Variants in MIER1 observed in about 807,000 individuals in gnomAD.
MIER1 encodes mesoderm induction early response protein 1.
A neutral mutation model predicts 75.7 loss-of-function variants in MIER1; 40 were observed. The observed-to-expected ratio is 0.53, with a 90% CI of 0.41 to 0.69. The LOEUF is 0.69. Ranked by LOEUF, MIER1 falls within the 30% of genes least tolerant of loss-of-function variation. The pLI, the probability that MIER1 is intolerant of heterozygous loss-of-function variation, is 0.00. For synonymous variants in MIER1, 213 were observed against 223.4 expected, an observed-to-expected ratio of 0.95 and a Z score of 0.42; for missense variants, 574 against 680.2, an observed-to-expected ratio of 0.84 and a Z score of 1.74.
intron 2 of MIER1, among the ~76,000 whole-genome samples, chr1:66,931,611 TA>T (rs1653390498): frequency 6.6e-6 from 1 of 152,198 alleles, no homozygotes; most frequent in Non-Finnish European, 1.5e-5. Flanking sequence ...AATTTACAAC[TA>T]AATTTAGATC....
chr1:66,957,587 G>GTTTTTTTTTTTTTT (rs770503779), intron 4 of MIER1, among the ~76,000 whole-genome samples: 1 of 99,268 alleles, frequency 1.0e-5, no homozygotes, highest in Non-Finnish European at 2.1e-5. Flanking sequence ...GTTTGTTTGT[G>GTTTTTTTTTTTTTT]TTTTTTTTTT....
At chr1:66,930,812 C>G (rs547262431) in intron 2 of MIER1, among the ~76,000 whole-genome samples, 8 of 152,246 alleles carry the variant, frequency 5.3e-5, no homozygotes, top group African/African-American at 1.9e-4. Flanking sequence ...CACCCCCATC[C>G]ATTTGCGACT....
chr1:66,927,007 A>G (rs1651978080), intron 2 of MIER1, among the ~76,000 whole-genome samples: 1 of 152,136 alleles, frequency 6.6e-6, no homozygotes, highest in Non-Finnish European at 1.5e-5. Flanking sequence ...AAATTGCCAA[A>G]GAAGTTTGTT....
intron 2 of MIER1, among the ~76,000 whole-genome samples, chr1:66,930,650 G>T (rs1237145312): frequency 6.6e-6 from 1 of 151,882 alleles, no homozygotes; most frequent in Non-Finnish European, 1.5e-5. Flanking sequence ...CAGCGTAGTA[G>T]TGCGGTGCGA....
intron 3 of MIER1, among the ~76,000 whole-genome samples, chr1:66,941,488 T>C (rs1051601174): frequency 1.3e-5 from 2 of 152,206 alleles, no homozygotes; most frequent in Admixed American, 6.5e-5. Context: ...TTGTTTCTTA[T>C]AGTATTGTGA....
chr1:66,946,340 T>C (rs1217438066), intron 4 of MIER1, 45 bp downstream of exon 4: 1 of 1,502,632 alleles, frequency 6.7e-7, no homozygotes, highest in Admixed American at 2.4e-5. Flanking sequence ...TATGACTTTT[T>C]TGTGGAAAGG....
At chr1:66,947,030 A>G in intron 4 of MIER1, 2 of 982,180 alleles carry the variant, frequency 2.0e-6, no homozygotes, top group African/African-American at 1.7e-5. Context: ...GTGCTCCTCA[A>G]AATGTAGTAT....
At chr1:66,945,689 C>G (rs1657458226) in intron 3 of MIER1, among the ~76,000 whole-genome samples, 1 of 152,108 alleles carries the variant, frequency 6.6e-6, no homozygotes, top group Non-Finnish European at 1.5e-5. Context: ...TAGCAAGACC[C>G]TGCCTTTACC....
Position 66,969,326 on chromosome 1 carries a change from A to G in MIER1, c.773-1482A>G, listed in dbSNP as rs1663083483. 2.6e-5 allele frequency among the ~76,000 whole-genome samples: 4 copies of G among 151,872 alleles called. No homozygotes were observed. The South Asian group carries it at 8.3e-4, about 32-fold the overall frequency. On this transcript the variant is annotated intron_variant, in intron 8 of 13. Coordinates refer to ENST00000401041, the MANE Select transcript of MIER1 (RefSeq NM_001077700.3). ...TTTGGGAGGCCGAGGCGGGTGGATC[A>G]TGAGGTCAGGAGATCGAGAACCATC...
intron 13 of MIER1, among the ~76,000 whole-genome samples, chr1:66,984,360 G>C (rs1253544733): frequency 1.3e-5 from 2 of 152,044 alleles, no homozygotes; most frequent in Non-Finnish European, 2.9e-5. Flanking sequence ...TATCTATTAT[G>C]ATCTTCATTG....
Position 66,988,044 on chromosome 1 carries a change from T to A in MIER1, c.*3144T>A, listed in dbSNP as rs566549768. 1 of 152,438 alleles carries A rather than the reference T, an allele frequency of 6.6e-6. No individual in the cohort carries two copies. Among genetic ancestry groups the A allele is most frequent in the African/African-American group, 2.4e-5 (1 of 41,570 alleles). The allele number at this position is 152,438 out of a possible 1,614,324, so 9.4% of individuals were successfully genotyped here. A position where few individuals can be genotyped will look rare whatever the true frequency, so the allele number is the denominator to read the frequency against. ...TTTTGTCACAATATTTTCTTTGCTA[T>A]CGATGGATAATTAGGAGTGGGCACT... On this transcript the variant is annotated 3_prime_UTR_variant, in exon 14 of 14. Transcript: ENST00000401041.
chr1:66,945,267 G>GTGTA (rs1244341605), intron 3 of MIER1, among the ~76,000 whole-genome samples: 105 of 141,612 alleles, frequency 7.4e-4, no homozygotes, highest in Non-Finnish European at 1.4e-3. Context: ...TCTGGTGTGT[G>GTGTA]TATATATATA....
intron 4 of MIER1, 101 bp downstream of exon 4, chr1:66,946,396 AT>A: frequency 6.9e-7 from 1 of 1,442,230 alleles, no homozygotes; most frequent in African/African-American, 1.5e-5. Flanking sequence ...AAATTGTGTT[AT>A]ATATTAATGA....
At chr1:66,973,087 G>A (rs1022600721) in intron 11 of MIER1, 96 bp downstream of exon 11, 3 of 648,356 alleles carry the variant, frequency 4.6e-6, no homozygotes, top group Admixed American at 2.9e-5. Context: ...AGTGTTAAAG[G>A]TTTCATAATT....
intron 7 of MIER1, among the ~76,000 whole-genome samples, chr1:66,961,265 G>A (rs552869407): frequency 6.6e-6 from 1 of 152,188 alleles, no homozygotes; most frequent in East Asian, 1.9e-4. Context: ...ACTTAAGGTA[G>A]GGGAAACAGT....
At chr1:66,932,543 C>A (rs1268394720) in intron 2 of MIER1, 1 of 152,096 alleles carries the variant, frequency 6.6e-6, no homozygotes, top group Non-Finnish European at 1.5e-5. Flanking sequence ...ATAATTATGA[C>A]GATTTTTGAG....
rs1005583571 is a variant in MIER1, at chr1:66,985,098, G to T, written c.*198G>T. ...TTAAAGCTGTCAGACTCTTTTAAGG[G>T]TATTTTAAAAATTAGTAAATTTGAA... On this transcript the variant is annotated 3_prime_UTR_variant, in exon 14 of 14. Transcript: ENST00000401041. 3 of 1,252,776 alleles carry T rather than the reference G, an allele frequency of 2.4e-6. No individual in the cohort carries two copies. Among genetic ancestry groups the T allele is most frequent in the East Asian group, 6.7e-5 (2 of 30,042 alleles). 77.6% of individuals were successfully genotyped at this position (1,252,776 alleles called of 1,614,324 possible).
At chr1:66,976,862 G>T in intron 12 of MIER1, 140 bp downstream of exon 12, 1 of 660,992 alleles carries the variant, frequency 1.5e-6, no homozygotes, top group Non-Finnish European at 2.3e-6. Context: ...ATAAAATCTT[G>T]CTTTTATAAT....
intron 4 of MIER1, among the ~76,000 whole-genome samples, chr1:66,957,593 T>G (rs1226204705): frequency 4.5e-5 from 6 of 132,372 alleles, no homozygotes; most frequent in African/African-American, 1.7e-4. Context: ...TTGTGTTTTT[T>G]TTTTTTTTTT....
Sources: allele counts gnomAD v4.1 joint callset (sites outside exome capture counted in the v4.1 genomes callset), GRCh38; gene constraint gnomAD v4.1.1; transcripts MANE v1.5; gene names NCBI Gene and HGNC (gene_info 2026-07-23, HGNC 2026-07-21).